Variants in ZNG1A observed in about 807,000 individuals in gnomAD.
The protein encoded by ZNG1A is zinc-regulated GTPase metalloprotein activator 1A.
chr9:143,233 C>G, the ZNG1A span, among the ~76,000 whole-genome samples: 1 of 147,962 alleles, frequency 6.8e-6, no homozygotes, highest in Non-Finnish European at 1.5e-5. Flanking sequence ...CAGGCAGAGA[C>G]ACAACCAAAA....
the ZNG1A span, chr9:164,023 T>C: frequency 6.9e-6 from 11 of 1,594,406 alleles, no homozygotes; most frequent in African/African-American, 4.1e-5. Flanking sequence ...ACCCAAAACA[T>C]AGAAGCCACT....
At chr9:177,165 C>G in the ZNG1A span, among the ~76,000 whole-genome samples, 6 of 152,116 alleles carry the variant, frequency 3.9e-5, no homozygotes, top group African/African-American at 1.2e-4. Context: ...GTTCATTGTG[C>G]GGGGCCAATT....
At chr9:154,472 G>A in the ZNG1A span, 23 of 529,144 alleles carry the variant, frequency 4.3e-5, no homozygotes, top group South Asian at 2.1e-4. Context: ...GATGGAGTGC[G>A]AAGACCCTGA....
At chr9:131,243 G>A in the ZNG1A span, among the ~76,000 whole-genome samples, 25 of 138,212 alleles carry the variant, frequency 1.8e-4, no homozygotes, top group African/African-American at 6.7e-4. Flanking sequence ...TGCTGACACA[G>A]AAAGAAACAG....
At chr9:157,396 T>A in the ZNG1A span, among the ~76,000 whole-genome samples, 1 of 133,198 alleles carries the variant, frequency 7.5e-6, no homozygotes, top group Admixed American at 8.0e-5. Flanking sequence ...CAAACCTCAA[T>A]AGAGGTTCCC....
chr9:169,722 A>C, the ZNG1A span, among the ~76,000 whole-genome samples: 41 of 150,348 alleles, frequency 2.7e-4, 1 homozygote, highest in South Asian at 8.4e-3. Flanking sequence ...TACCAGCAAA[A>C]AGACTATGAC....
chr9:122,755 C>T, the ZNG1A span: 1 of 751,080 alleles, frequency 1.3e-6, no homozygotes, highest in South Asian at 4.8e-5. Flanking sequence ...ACTTTAGAAT[C>T]ACTGCTTCCT....
chr9:158,544 T>C, the ZNG1A span, among the ~76,000 whole-genome samples: 2 of 150,964 alleles, frequency 1.3e-5, no homozygotes, highest in African/African-American at 4.9e-5. Context: ...TATTTTTGCA[T>C]TTCCATGCCT....
At chr9:158,410 C>T in the ZNG1A span, among the ~76,000 whole-genome samples, 11 of 151,406 alleles carry the variant, frequency 7.3e-5, no homozygotes, top group Non-Finnish European at 7.4e-5. Context: ...TCTTTTTAAA[C>T]TGAAATATTT....
chr9:126,765 C>T, the ZNG1A span, among the ~76,000 whole-genome samples: 6 of 151,876 alleles, frequency 4.0e-5, no homozygotes, highest in Non-Finnish European at 8.8e-5. Context: ...TCTCTAGTTC[C>T]TTGAGGTGTG....
chr9:141,659 T>A, the ZNG1A span, among the ~76,000 whole-genome samples: 1 of 151,406 alleles, frequency 6.6e-6, no homozygotes, highest in Admixed American at 6.6e-5. Context: ...CCAGCTAACA[T>A]CATAATGACA....
chr9:173,918 C>T, the ZNG1A span, among the ~76,000 whole-genome samples: 2 of 152,068 alleles, frequency 1.3e-5, no homozygotes, highest in Non-Finnish European at 2.9e-5. Context: ...GAGGCCAAGG[C>T]GGGCGGATCA....
chr9:140,566 A>G, the ZNG1A span, among the ~76,000 whole-genome samples: 1 of 151,980 alleles, frequency 6.6e-6, no homozygotes, highest in East Asian at 1.9e-4. Context: ...GATGGGGAAA[A>G]AACAGAGCAG....
the ZNG1A span, among the ~76,000 whole-genome samples, chr9:175,088 A>C: frequency 2.0e-5 from 3 of 152,190 alleles, no homozygotes; most frequent in Non-Finnish European, 4.4e-5. Context: ...CCTAAAAAAA[A>C]CATTTTTTCG....
the ZNG1A span, chr9:121,483 T>C: frequency 1.2e-6 from 2 of 1,611,446 alleles, no homozygotes; most frequent in South Asian, 1.1e-5. Flanking sequence ...ACAAACTTGA[T>C]CTTCTTGGAA....
chr9:140,665 C>A, the ZNG1A span, among the ~76,000 whole-genome samples: 127 of 152,168 alleles, frequency 8.3e-4, no homozygotes, highest in African/African-American at 2.9e-3. Context: ...CAGCTCCTCA[C>A]CAGCAACGGA....
chr9:137,456 T>C, the ZNG1A span, among the ~76,000 whole-genome samples: 1 of 151,528 alleles, frequency 6.6e-6, no homozygotes, highest in Non-Finnish European at 1.5e-5. Flanking sequence ...ACAGGATCTG[T>C]AACTATCAAA....
At chr9:154,113 G>C in the ZNG1A span, 2 of 152,688 alleles carry the variant, frequency 1.3e-5, no homozygotes, top group African/African-American at 4.9e-5. Flanking sequence ...GTCCTATGCT[G>C]ATCAGCCTTG....
chr9:159,447 CA>C, the ZNG1A span, among the ~76,000 whole-genome samples: 3 of 152,016 alleles, frequency 2.0e-5, no homozygotes, highest in African/African-American at 7.2e-5. Context: ...CACCCCCTCT[CA>C]AAAAAATAGC....
Sources: gnomAD v4.1 joint callset for allele counts (sites outside exome capture counted in the v4.1 genomes callset) on GRCh38, gnomAD v4.1.1 for gene constraint, MANE v1.5 for transcripts, NCBI Gene and HGNC (gene_info 2026-07-23, HGNC 2026-07-21) for gene names.